ALDH1L1: variants seen among roughly 807,000 people sequenced by gnomAD.
ALDH1L1 encodes the protein aldehyde dehydrogenase 1 family member L1.
In ALDH1L1, 68 loss-of-function variants were observed where a neutral mutation model predicts 101.1. The observed-to-expected ratio is 0.67, with a 90% confidence interval of 0.55 to 0.82. The LOEUF (loss-of-function observed/expected upper bound fraction) is 0.82. ALDH1L1 is among the 40% of genes least tolerant of loss of function. The pLI is 0.00. For synonymous variants in ALDH1L1, 486 were observed against 470.8 expected, an observed-to-expected ratio of 1.03 and a Z score of -0.42; for missense variants, 1,087 against 1,172.7, an observed-to-expected ratio of 0.93 and a Z score of 1.07.
Position 126,135,674 on chromosome 3 carries a change from G to A in ALDH1L1, c.1345-12C>T. The A allele has an allele frequency of 6.6e-7, 1 of 1,519,274 alleles. No homozygotes were observed. Among genetic ancestry groups the A allele is most frequent in the South Asian group, 1.3e-5 (1 of 77,912 alleles). 94.1% of individuals were successfully genotyped at this position (1,519,274 alleles called of 1,614,324 possible). The stretch of plus-strand genomic sequence containing the variant: ...ACCTGGCAGATGACCTATAGTGGAA[G>A]CAGAGCCATGACAAGTTCTCCCTAA... On this transcript the variant is annotated splice_polypyrimidine_tract_variant and intron_variant, in intron 11 of 22. Coordinates refer to ENST00000393434, the MANE Select transcript of ALDH1L1 (RefSeq NM_012190.4).
intron 19 of ALDH1L1, chr3:126,110,370 G>T: frequency 1.9e-6 from 1 of 527,718 alleles, no homozygotes; most frequent in South Asian, 2.5e-5. Context: ...CAGGGGTGTG[G>T]GTGAGGAGGA....
rs759791441 is a variant in ALDH1L1 at position 126,112,793 on chromosome 3, C to G, written c.2170G>C (p.Val724Leu). The change falls in exon 19 of 23, where the codon GTG (valine) becomes CTG (leucine). Residue 724 changes from valine to leucine, a missense_variant. By Grantham distance (32) the Val-to-Leu change is conservative. Coordinates refer to ENST00000393434, the MANE Select transcript of ALDH1L1 (RefSeq NM_012190.4). ...FVEDSIHDEF[V>L]RRVVEEVRKM... ...GGGGCAGGACTTACCACTCTCCGCACGAACTCATCATGAATGGAGTCCTCC... is the reference window on the plus strand; with the variant it reads ...GGGGCAGGACTTACCACTCTCCGCAGGAACTCATCATGAATGGAGTCCTCC... 6.2e-6 allele frequency: 10 copies of G among 1,613,166 alleles called. No individual in the cohort carries two copies. Among genetic ancestry groups the G allele is most frequent in the South Asian group, 2.2e-5 (2 of 91,082 alleles).
intron 1 of ALDH1L1, among the ~76,000 whole-genome samples, chr3:126,188,056 A>G (rs2081531370): frequency 6.6e-6 from 1 of 152,214 alleles, no homozygotes; most frequent in Admixed American, 6.5e-5. Context: ...AAGTGAGGCA[A>G]AAAGAACAAC....
At chr3:126,164,285 A>G (rs879545241) in intron 1 of ALDH1L1, among the ~76,000 whole-genome samples, 4 of 152,196 alleles carry the variant, frequency 2.6e-5, no homozygotes, top group Non-Finnish European at 5.9e-5. Flanking sequence ...CTTTTATTTT[A>G]GAAACAGGGG....
chr3:126,129,303 T>G (rs142128480), intron 14 of ALDH1L1: 31 of 152,392 alleles, frequency 2.0e-4, no homozygotes, highest in African/African-American at 6.7e-4. Context: ...TTGCAAATAC[T>G]CCAACATTCA....
intron 5 of ALDH1L1, 35 bp downstream of exon 5, chr3:126,155,367 G>A (rs775479286): frequency 1.9e-6 from 3 of 1,585,456 alleles, no homozygotes; most frequent in East Asian, 2.3e-5. Context: ...TCTGCTCACA[G>A]GCAGGATGAG....
At chr3:126,135,356 C>A (rs1422483941) in intron 12 of ALDH1L1, 179 bp downstream of exon 12, 5 of 723,242 alleles carry the variant, frequency 6.9e-6, no homozygotes, top group Non-Finnish European at 1.0e-5. Flanking sequence ...CTCTGAGAAG[C>A]CTTTTCTGAG....
chr3:126,154,551 C>T lies in ALDH1L1; in HGVS notation c.720+3G>A, dbSNP rs1486659265. On this transcript the variant is annotated splice_donor_region_variant and intron_variant, in intron 6 of 22. Coordinates refer to ENST00000393434, the MANE Select transcript of ALDH1L1 (RefSeq NM_012190.4). Reference sequence around the variant, plus strand: ...GCTGGATTCCAGCCATGCAGGGACACACCTGTTCACAGGCCTCTGTCCAGG... The same window carrying T: ...GCTGGATTCCAGCCATGCAGGGACATACCTGTTCACAGGCCTCTGTCCAGG... 1.2e-6 allele frequency: 2 copies of T among 1,614,108 alleles called. No homozygotes were observed. Among genetic ancestry groups the T allele is most frequent in the East Asian group, 4.5e-5 (2 of 44,882 alleles).
At chr3:126,103,925 A>C in intron 22 of ALDH1L1, 79 bp from the exon 23 acceptor site, 3 of 1,518,762 alleles carry the variant, frequency 2.0e-6, no homozygotes, top group Non-Finnish European at 2.7e-6. Context: ...CTTATTCCTC[A>C]GCAACCACGT....
intron 17 of ALDH1L1, among the ~76,000 whole-genome samples, chr3:126,116,689 C>T (rs575533327): frequency 1.3e-5 from 2 of 152,348 alleles, no homozygotes; most frequent in East Asian, 3.9e-4. Context: ...AACCCACCCC[C>T]AGAAGTTCAG....
At chr3:126,118,728 G>C (rs1353287244) in intron 16 of ALDH1L1, among the ~76,000 whole-genome samples, 1 of 152,130 alleles carries the variant, frequency 6.6e-6, no homozygotes, top group Non-Finnish European at 1.5e-5. Flanking sequence ...AAGGATGCCT[G>C]ATCAGGTCCC....
chr3:126,173,823 A>C (rs1392940927), intron 1 of ALDH1L1, among the ~76,000 whole-genome samples: 2 of 152,260 alleles, frequency 1.3e-5, no homozygotes, highest in Non-Finnish European at 2.9e-5. Flanking sequence ...CAGATAAAGC[A>C]GACTTCAGAG....
intron 1 of ALDH1L1, among the ~76,000 whole-genome samples, chr3:126,189,458 T>C (rs1437354249): frequency 2.0e-5 from 3 of 152,144 alleles, no homozygotes; most frequent in Admixed American, 2.0e-4. Context: ...TCCAGGAAAC[T>C]TGAGAGGCCG....
intron 19 of ALDH1L1, 77 bp downstream of exon 19, chr3:126,112,705 C>A: frequency 1.4e-6 from 2 of 1,419,948 alleles, no homozygotes; most frequent in Admixed American, 3.4e-5. Context: ...GCCCTGTCTC[C>A]CCTCCTCCAA....
At chr3:126,135,686 C>A in intron 11 of ALDH1L1, 24 bp from the exon 12 acceptor site, 1 of 1,504,174 alleles carries the variant, frequency 6.6e-7, no homozygotes, top group Non-Finnish European at 8.9e-7. Context: ...AGAGCCATGA[C>A]AAGTTCTCCC....
intron 12 of ALDH1L1, among the ~76,000 whole-genome samples, chr3:126,131,990 T>A (rs1351595909): frequency 1.3e-5 from 2 of 152,152 alleles, no homozygotes; most frequent in African/African-American, 2.4e-5. Context: ...CTCCTGAGCC[T>A]GGCATCTCCA....
rs1288065577 is a variant in ALDH1L1, at chr3:126,125,602, G to A, written c.1800+14C>T. The A allele has an allele frequency of 2.0e-6, 3 of 1,529,486 alleles. No individual in the cohort carries two copies. The highest frequency in any genetic ancestry group is 3.8e-5 in the Admixed American group (2 of 52,106). 94.7% of individuals were successfully genotyped at this position (1,529,486 alleles called of 1,614,324 possible). Reference sequence around the variant, plus strand: ...GTGGCCTGCAGGCCCTGTCCAGAGTGAACCCACGCTCACCTGAGCAGGCTT... The same window carrying A: ...GTGGCCTGCAGGCCCTGTCCAGAGTAAACCCACGCTCACCTGAGCAGGCTT... On this transcript the variant is annotated intron_variant, in intron 15 of 22. Coordinates refer to ENST00000393434, the MANE Select transcript of ALDH1L1 (RefSeq NM_012190.4).
chr3:126,161,047 C>T, intron 1 of ALDH1L1, 45 bp from the exon 2 acceptor site: 4 of 1,594,128 alleles, frequency 2.5e-6, no homozygotes, highest in Non-Finnish European at 3.4e-6. Flanking sequence ...TCGCTGGTCT[C>T]AGAGAAGCCA....
chr3:126,153,225 C>A, intron 7 of ALDH1L1: 1 of 667,234 alleles, frequency 1.5e-6, no homozygotes, highest in East Asian at 3.0e-5. Flanking sequence ...GGTAGGGAGC[C>A]CAGCTTTCCC....
Sources: allele counts gnomAD v4.1 joint callset (sites outside exome capture counted in the v4.1 genomes callset), GRCh38; gene constraint gnomAD v4.1.1; transcripts MANE v1.5; gene names NCBI Gene and HGNC (gene_info 2026-07-23, HGNC 2026-07-21).